The following THSD4 variants were observed in gnomAD, a reference collection of about 807,000 sequenced individuals.
THSD4 encodes the protein thrombospondin type 1 domain containing 4.
THSD4 carries 69 observed loss-of-function variants against 119.0 expected under a neutral mutation model. The observed-to-expected ratio is 0.58, with a 90% CI of 0.48 to 0.71. THSD4 has a LOEUF of 0.71. Among genes scored for constraint, THSD4 ranks in the 30% least tolerant of loss-of-function variants. The probability of loss-of-function intolerance (pLI) is 0.00; values close to 1 mark genes in which losing one functional copy is unlikely to be tolerated. For missense variants in THSD4, 1,393 were observed against 1,391.1 expected, an observed-to-expected ratio of 1.00 and a Z score of -0.02; for synonymous variants, 524 against 540.4, an observed-to-expected ratio of 0.97 and a Z score of 0.42.
At chr15:71,550,539 C>G (rs569964267) in intron 7 of THSD4, among the ~76,000 whole-genome samples, 2 of 152,298 alleles carry the variant, frequency 1.3e-5, no homozygotes, top group African/African-American at 4.8e-5. Context: ...CGGGTTCACG[C>G]CATTTTCCCA....
intron 7 of THSD4, among the ~76,000 whole-genome samples, chr15:71,588,231 G>T (rs1393660301): frequency 6.7e-6 from 1 of 150,008 alleles, no homozygotes; most frequent in Non-Finnish European, 1.5e-5. Context: ...GCGTGAACCC[G>T]GGAGGCGGAG....
At chr15:71,345,998 A>G (rs1277488389) in intron 6 of THSD4, among the ~76,000 whole-genome samples, 1 of 152,142 alleles carries the variant, frequency 6.6e-6, no homozygotes, top group Non-Finnish European at 1.5e-5. Context: ...GGACATTCAT[A>G]TTGATATATT....
At chr15:71,442,179 C>T (rs1012951019) in intron 7 of THSD4, among the ~76,000 whole-genome samples, 3 of 151,942 alleles carry the variant, frequency 2.0e-5, no homozygotes, top group Non-Finnish European at 4.4e-5. Context: ...ATGATGGTCT[C>T]CATCTCCTGA....
chr15:71,643,853 C>T (rs1595821312), intron 7 of THSD4, among the ~76,000 whole-genome samples: 1 of 152,158 alleles, frequency 6.6e-6, no homozygotes, highest in Admixed American at 6.6e-5. Flanking sequence ...CAGGAAATTA[C>T]AGACAGTCTC....
intron 7 of THSD4, among the ~76,000 whole-genome samples, chr15:71,470,791 G>A (rs368899329): frequency 1.4e-4 from 21 of 151,744 alleles, no homozygotes; most frequent in South Asian, 6.3e-4. Flanking sequence ...GCCCGCCACC[G>A]CGCCCGGCTA....
chr15:71,414,649 T>G (rs2046735216), intron 7 of THSD4, among the ~76,000 whole-genome samples: 1 of 152,246 alleles, frequency 6.6e-6, no homozygotes, highest in Non-Finnish European at 1.5e-5. Flanking sequence ...TCTTAGTATT[T>G]CATTAAATGT....
At chr15:71,530,832 A>G (rs181688979) in intron 7 of THSD4, among the ~76,000 whole-genome samples, 118 of 152,030 alleles carry the variant, frequency 7.8e-4, no homozygotes, top group African/African-American at 2.7e-3. Context: ...CTCTGCCTTC[A>G]GGAATCTTAC....
Position 71,256,660 on chromosome 15 carries a change from C to G in THSD4, c.960C>G (p.Ser320=). ...GTATCCGGGAGGTACAGTGTGCATCCTACAACAACAAGCCATTCATGGGCC... is the reference window on the plus strand; with the variant it reads ...GTATCCGGGAGGTACAGTGTGCATCGTACAACAACAAGCCATTCATGGGCC... ...SRSIREVQCA[S]YNNKPFMGRF... is the part of the protein sequence containing the mutation. The change falls in exon 6 of 18, where the codon TCC becomes TCG. Residue 320 remains serine, a synonymous_variant. Coordinates refer to ENST00000261862, the MANE Select transcript of THSD4 (RefSeq NM_024817.3). The G allele has an allele frequency of 6.2e-7, 1 of 1,614,014 alleles. No individual in the cohort carries two copies. Among genetic ancestry groups the G allele is most frequent in the South Asian group, 1.1e-5 (1 of 91,076 alleles).
intron 6 of THSD4, among the ~76,000 whole-genome samples, chr15:71,281,462 G>A (rs962425615): frequency 3.3e-5 from 5 of 152,306 alleles, no homozygotes; most frequent in African/African-American, 1.2e-4. Flanking sequence ...TGTGGATCTG[G>A]GAATTCAAGA....
chr15:71,380,393 T>C (rs1242140821), intron 6 of THSD4, among the ~76,000 whole-genome samples: 1 of 152,094 alleles, frequency 6.6e-6, no homozygotes, highest in Non-Finnish European at 1.5e-5. Flanking sequence ...ATGTCATCAG[T>C]TGAATAATTT....
intron 6 of THSD4, among the ~76,000 whole-genome samples, chr15:71,290,103 T>C (rs1260877400): frequency 1.3e-5 from 2 of 152,170 alleles, no homozygotes; most frequent in Admixed American, 6.5e-5. Context: ...AGAAGTGTAT[T>C]GGAAGTTTTG....
chr15:71,231,400 G>T (rs984665247), intron 4 of THSD4, among the ~76,000 whole-genome samples: 2 of 152,150 alleles, frequency 1.3e-5, no homozygotes, highest in Non-Finnish European at 2.9e-5. Flanking sequence ...TCTTCTAGAG[G>T]CTTGGCTTCC....
intron 7 of THSD4, among the ~76,000 whole-genome samples, chr15:71,548,097 G>GTTTTTTT (rs11397800): frequency 6.9e-6 from 1 of 145,710 alleles, no homozygotes. Flanking sequence ...GTTGGGTACA[G>GTTTTTTT]TTTTTTTTTT....
intron 6 of THSD4, among the ~76,000 whole-genome samples, chr15:71,331,996 G>A (rs2045426926): frequency 6.6e-6 from 1 of 152,122 alleles, no homozygotes; most frequent in South Asian, 2.1e-4. Flanking sequence ...TGGTCAGATA[G>A]CAATGCAAGT....
At chr15:71,530,672 A>T (rs944739754) in intron 7 of THSD4, among the ~76,000 whole-genome samples, 1 of 152,154 alleles carries the variant, frequency 6.6e-6, no homozygotes, top group African/African-American at 2.4e-5. Flanking sequence ...ATATCTCCTC[A>T]TCCAGTTTGC....
At chr15:71,562,728 G>A (rs565345704) in intron 7 of THSD4, among the ~76,000 whole-genome samples, 2 of 143,958 alleles carry the variant, frequency 1.4e-5, no homozygotes, top group Admixed American at 1.4e-4. Flanking sequence ...CTGAAACGGA[G>A]TTTGGCTCTT....
chr15:71,226,760 A>C (rs2044021237), intron 4 of THSD4, among the ~76,000 whole-genome samples: 1 of 152,270 alleles, frequency 6.6e-6, no homozygotes, highest in Non-Finnish European at 1.5e-5. Flanking sequence ...AGGGGGGCAG[A>C]AACCACATAG....
At chr15:71,402,912 C>G (rs534593460) in intron 6 of THSD4, among the ~76,000 whole-genome samples, 32 of 152,278 alleles carry the variant, frequency 2.1e-4, no homozygotes, top group African/African-American at 7.5e-4. Context: ...AGTTTGCCTA[C>G]TTTTCTATAT....
chr15:71,780,748 T>C lies in THSD4; in HGVS notation c.*3374T>C. 1 of 455,248 alleles carries C rather than the reference T, an allele frequency of 2.2e-6. No homozygotes were observed. Among genetic ancestry groups the C allele is most frequent in the South Asian group, 1.6e-5 (1 of 64,464 alleles). The allele number at this position is 455,248 out of a possible 1,614,324, so 28.2% of individuals were successfully genotyped here. A position where few individuals can be genotyped will look rare whatever the true frequency, so the allele number is the denominator to read the frequency against. ...ACCTTACCTCTCTGGCCCAGAGTTC[T>C]TGGAGGGTTTTTTCTTTATTTTCTT... On this transcript the variant is annotated 3_prime_UTR_variant, in exon 18 of 18. Transcript: ENST00000261862.
Sources: gnomAD v4.1 joint callset for allele counts (sites outside exome capture counted in the v4.1 genomes callset) on GRCh38, gnomAD v4.1.1 for gene constraint, MANE v1.5 for transcripts, NCBI Gene and HGNC (gene_info 2026-07-23, HGNC 2026-07-21) for gene names.